NIPA2: variants seen among roughly 807,000 people sequenced by gnomAD.
The protein encoded by NIPA2 is NIPA magnesium transporter 2.
A neutral mutation model predicts 29.7 loss-of-function variants in NIPA2; 11 were observed. The ratio of observed to expected loss-of-function variants is 0.37; its 90% confidence interval spans 0.23 to 0.61. NIPA2 has a LOEUF of 0.61. Ranked by LOEUF, NIPA2 falls within the 20% of genes least tolerant of loss-of-function variation. The pLI is 0.66. For missense variants in NIPA2, 426 were observed against 437.9 expected (o/e 0.97, Z 0.24); for synonymous variants, 183 against 161.9 (o/e 1.13, Z -0.99).
At chr15:22,841,213 CTG>C (rs763741316) in intron 2 of NIPA2, among the ~76,000 whole-genome samples, 16 of 152,090 alleles carry the variant, frequency 1.1e-4, no homozygotes, top group African/African-American at 1.9e-4. Context: ...ACTGTGGTAA[CTG>C]TGTTAGTATC....
intron 1 of NIPA2, chr15:22,839,206 G>A (rs1234612661): frequency 6.6e-6 from 1 of 152,146 alleles, no homozygotes; most frequent in Admixed American, 6.5e-5. Flanking sequence ...CAGCTGCTGC[G>A]GGGATCATAA....
rs981474788 is a variant in NIPA2 at position 22,867,214 on chromosome 15, T to C, written c.*367T>C. 3 of 412,944 alleles carry C rather than the reference T, an allele frequency of 7.3e-6. No individual in the cohort carries two copies. Among genetic ancestry groups the C allele is most frequent in the Non-Finnish European group, 1.3e-5 (3 of 235,100 alleles). The allele number at this position is 412,944 out of a possible 1,614,324, so 25.6% of individuals were successfully genotyped here. Reference sequence around the variant, plus strand: ...TTGTCATCCCCACTCCATCAATCCCTGACCATGTAAGGCTTTTTTATTTTA... The same window carrying C: ...TTGTCATCCCCACTCCATCAATCCCCGACCATGTAAGGCTTTTTTATTTTA... On this transcript the variant is annotated 3_prime_UTR_variant, in exon 8 of 8. Transcript: ENST00000337451.
intron 7 of NIPA2, among the ~76,000 whole-genome samples, chr15:22,863,943 G>A (rs757273915): frequency 6.6e-5 from 10 of 152,024 alleles, no homozygotes; most frequent in African/African-American, 2.2e-4. Context: ...TAGATCCATC[G>A]TTTGTAGGTA....
At chr15:22,845,354 T>A (rs1176728219) in intron 3 of NIPA2, 87 bp downstream of exon 3, 3 of 152,010 alleles carry the variant, frequency 2.0e-5, no homozygotes, top group African/African-American at 7.3e-5. Context: ...CTGCTTGTCA[T>A]CCCCCAGCCC....
intron 2 of NIPA2, among the ~76,000 whole-genome samples, chr15:22,842,439 C>T (rs1363873007): frequency 6.6e-6 from 1 of 152,118 alleles, no homozygotes; most frequent in Non-Finnish European, 1.5e-5. Context: ...CCTGTAATCC[C>T]AGCACTTTGG....
At chr15:22,855,970 A>G (rs2058147495) in intron 5 of NIPA2, among the ~76,000 whole-genome samples, 1 of 152,302 alleles carries the variant, frequency 6.6e-6, no homozygotes, top group East Asian at 1.9e-4. Context: ...GGTGTGATCC[A>G]AGAATACCAC....
At chr15:22,850,134 T>TG (rs913319431) in intron 3 of NIPA2, among the ~76,000 whole-genome samples, 21 of 152,056 alleles carry the variant, frequency 1.4e-4, no homozygotes, top group African/African-American at 4.6e-4. Flanking sequence ...ACTTCATACT[T>TG]GCAGTAAGCC....
At chr15:22,841,515 T>G (rs1230427583) in intron 2 of NIPA2, among the ~76,000 whole-genome samples, 2 of 152,178 alleles carry the variant, frequency 1.3e-5, no homozygotes, top group Non-Finnish European at 2.9e-5. Flanking sequence ...ACTCACCTTT[T>G]TTTTTCTTCT....
chr15:22,856,258 C>T (rs34180176), intron 5 of NIPA2, among the ~76,000 whole-genome samples: 20,716 of 152,002 alleles, frequency 0.14, 1,702 homozygotes, highest in Admixed American at 0.26. Context: ...CTGGCATTAT[C>T]CAGAAGGAAA....
At chr15:22,862,930 C>G (rs2058722422) in intron 7 of NIPA2, among the ~76,000 whole-genome samples, 1 of 113,614 alleles carries the variant, frequency 8.8e-6, no homozygotes, top group Non-Finnish European at 1.7e-5. Context: ...GAGACAGTAT[C>G]TCACTCTGTT....
chr15:22,859,173 CAAAAAATAAATAAAT>C lies in NIPA2; in HGVS notation c.287+553_287+567del, dbSNP rs566989802. On this transcript the variant is annotated intron_variant, in intron 6 of 7. Transcript: ENST00000337451. ...TGGGCTATAGAGCGAGACTCTGTCTCAAAAAATAAATAAATAAAAAATAAGTAAAATTCAAAGTTA... is the reference window on the plus strand; with the variant it reads ...TGGGCTATAGAGCGAGACTCTGTCTCAAAAAATAAGTAAAATTCAAAGTTA... Among the ~76,000 whole-genome samples the C allele has an allele frequency of 3.4e-4, 52 of 151,422 alleles. No homozygotes were observed. The South Asian group carries it at 0.011, about 31-fold the overall frequency.
At chr15:22,860,511 T>C (rs1168248533) in intron 6 of NIPA2, 118 bp from the exon 7 acceptor site, 4 of 714,880 alleles carry the variant, frequency 5.6e-6, no homozygotes, top group Non-Finnish European at 9.2e-6. Context: ...AGCCAGAATC[T>C]TCATAAGTTC....
intron 6 of NIPA2, 32 bp downstream of exon 6, chr15:22,858,662 G>T: frequency 7.6e-7 from 1 of 1,320,206 alleles, no homozygotes; most frequent in Non-Finnish European, 1.1e-6. Flanking sequence ...AGAAACAGTA[G>T]TCGGTATCTT....
intron 2 of NIPA2, among the ~76,000 whole-genome samples, chr15:22,841,037 G>A (rs1249019765): frequency 1.3e-5 from 2 of 151,744 alleles, no homozygotes; most frequent in East Asian, 3.9e-4. Context: ...GAGAGGAAAT[G>A]GGAGATTTAG....
intron 3 of NIPA2, among the ~76,000 whole-genome samples, chr15:22,846,178 GA>G (rs1253054713): frequency 6.6e-6 from 1 of 152,170 alleles, no homozygotes; most frequent in African/African-American, 2.4e-5. Flanking sequence ...TTGTGGTAAC[GA>G]GAGTGGCTGT....
At chr15:22,859,194 A>G (rs1254980736) in intron 6 of NIPA2, among the ~76,000 whole-genome samples, 1 of 152,228 alleles carries the variant, frequency 6.6e-6, no homozygotes, top group Non-Finnish European at 1.5e-5. Flanking sequence ...TAAATAAAAA[A>G]TAAGTAAAAT....
chr15:22,863,011 C>T (rs966004267), intron 7 of NIPA2, among the ~76,000 whole-genome samples: 6 of 150,326 alleles, frequency 4.0e-5, no homozygotes, highest in African/African-American at 1.5e-4. Flanking sequence ...AAGCGATCCT[C>T]CCACCTCAGC....
Position 22,866,847 on chromosome 15 carries a change from A to G in NIPA2, c.1083A>G (p.Ter361=). The change falls in exon 8 of 8, where the codon TAA becomes TAG. Residue 361 remains the stop codon, a stop_retained_variant. Coordinates refer to ENST00000337451, the MANE Select transcript of NIPA2 (RefSeq NM_030922.7). ...GAAATGGAAATCTGACAGCTTTTTA[A>G]GAAAGGTGTAATTAAAGGTTAATCT... ...SRRNGNLTAF[*] The G allele has an allele frequency of 1.1e-6, 1 of 877,882 alleles. No homozygotes were observed. Among genetic ancestry groups the G allele is most frequent in the East Asian group, 3.6e-5 (1 of 27,870 alleles). The allele number at this position is 877,882 out of a possible 1,614,324, so 54.4% of individuals were successfully genotyped here.
intron 7 of NIPA2, among the ~76,000 whole-genome samples, chr15:22,861,752 T>C (rs1392732200): frequency 6.6e-6 from 1 of 152,138 alleles, no homozygotes; most frequent in African/African-American, 2.4e-5. Context: ...TGGTTCATTT[T>C]ATTTTGAGAC....
Sources: allele counts gnomAD v4.1 joint callset (sites outside exome capture counted in the v4.1 genomes callset), GRCh38; gene constraint gnomAD v4.1.1; transcripts MANE v1.5; gene names NCBI Gene and HGNC (gene_info 2026-07-23, HGNC 2026-07-21).